NCKAP1L: variants seen among roughly 807,000 people sequenced by gnomAD.
NCKAP1L encodes the protein nck-associated protein 1-like.
A neutral mutation model predicts 139.2 loss-of-function variants in NCKAP1L; 53 were observed. That is an observed-to-expected ratio of 0.38 (90% CI 0.31 to 0.48). The LOEUF (loss-of-function observed/expected upper bound fraction) is 0.48, where lower values mean the gene tolerates loss of function less well. Among genes scored for constraint, NCKAP1L ranks in the 20% least tolerant of loss-of-function variants. The pLI, the probability that NCKAP1L is intolerant of heterozygous loss-of-function variation, is 0.98. For synonymous variants in NCKAP1L, 468 were observed against 499.7 expected (o/e 0.94, Z 0.85); for missense variants, 1,151 against 1,381.9 (o/e 0.83, Z 2.65).
intron 18 of NCKAP1L, among the ~76,000 whole-genome samples, chr12:54,521,888 G>GTA (rs1190861041): frequency 1.4e-5 from 2 of 140,038 alleles, no homozygotes; most frequent in South Asian, 2.1e-4. Flanking sequence ...GTGTGTGTAT[G>GTA]TGTGTGTGTG....
chr12:54,531,050 T>A lies in NCKAP1L; in HGVS notation c.2507-210T>A, dbSNP rs1957065033. On this transcript the variant is annotated intron_variant, in intron 22 of 30. Coordinates refer to ENST00000293373, the MANE Select transcript of NCKAP1L (RefSeq NM_005337.5). ...AGTTATCATTTGTGGTAAGTCTTGG[T>A]GTGAGTACCAGTGGAGAGAGGGTAA... Among the ~76,000 whole-genome samples the A allele has an allele frequency of 2.0e-5, 3 of 152,358 alleles. No homozygotes were observed. In the South Asian group the frequency reaches 6.2e-4, roughly 32 times the overall value.
At chr12:54,526,046 A>G (rs1957023012) in intron 20 of NCKAP1L, among the ~76,000 whole-genome samples, 1 of 152,162 alleles carries the variant, frequency 6.6e-6, no homozygotes. Flanking sequence ...GCTACTCAGG[A>G]TTATAATATA....
At chr12:54,518,798 T>TGA in intron 14 of NCKAP1L, 66 bp downstream of exon 14, 3 of 1,536,000 alleles carry the variant, frequency 2.0e-6, no homozygotes, top group Non-Finnish European at 9.0e-7. Flanking sequence ...CCGGAAATAT[T>TGA]GATCTTTGAG....
rs1210441960 is a variant in NCKAP1L, at chr12:54,542,833, GGAAGAAC to G, written c.*149_*155del. 1.6e-6 allele frequency: 1 copy of G among 608,012 alleles called. No individual in the cohort carries two copies. The highest frequency in any genetic ancestry group is 1.8e-5 in the African/African-American group (1 of 54,534). The allele number at this position is 608,012 out of a possible 1,614,324, so 37.7% of individuals were successfully genotyped here. A position where few individuals can be genotyped will look rare whatever the true frequency, so the allele number is the denominator to read the frequency against. On this transcript the variant is annotated 3_prime_UTR_variant, in exon 31 of 31. Coordinates refer to ENST00000293373, the MANE Select transcript of NCKAP1L (RefSeq NM_005337.5). The stretch of plus-strand genomic sequence containing the variant: ...AGCCAGAGTTGATGAGCAGATCTGT[GGAAGAAC>G]AATCCAGGGCTGAGAAATCGTAGAG...
chr12:54,511,334 C>A (rs1956888652), intron 7 of NCKAP1L, among the ~76,000 whole-genome samples: 2 of 152,220 alleles, frequency 1.3e-5, no homozygotes, highest in South Asian at 4.1e-4. Context: ...GCCTCATCAC[C>A]TCCATTATTG....
chr12:54,507,958 A>C (rs771401187), intron 4 of NCKAP1L, 49 bp downstream of exon 4: 1 of 1,565,090 alleles, frequency 6.4e-7, no homozygotes, highest in East Asian at 2.2e-5. Context: ...AGAAAAGGCC[A>C]GGTCTAGGTT....
chr12:54,528,611 A>ATCT lies in NCKAP1L; in HGVS notation c.2506+254_2506+256dup, dbSNP rs113269671. On this transcript the variant is annotated intron_variant, in intron 22 of 30. Coordinates refer to ENST00000293373, the MANE Select transcript of NCKAP1L (RefSeq NM_005337.5). ...TTAAATAGTGGTCTGCTGTCATGGC[A>ATCT]TCTTCTTCTTCTTCTTCTTCTTTTT... 5.9e-3 allele frequency among the ~76,000 whole-genome samples: 884 copies of ATCT among 150,166 alleles called. 10 individuals carry two copies. Among genetic ancestry groups the ATCT allele is most frequent in the South Asian group, 0.05 (237 of 4,758 alleles).
intron 3 of NCKAP1L, among the ~76,000 whole-genome samples, chr12:54,505,097 G>C (rs1030732904): frequency 6.6e-6 from 1 of 152,208 alleles, no homozygotes; most frequent in Non-Finnish European, 1.5e-5. Context: ...TTCCTTACTA[G>C]CTCTATGATC....
chr12:54,510,322 T>G, intron 7 of NCKAP1L: 1 of 453,770 alleles, frequency 2.2e-6, no homozygotes, highest in South Asian at 1.8e-5. Context: ...AGGAATCAAT[T>G]AACTTATTTT....
At position 54,535,110 on chromosome 12, in the gene NCKAP1L, T is replaced by C. The variant is rs143136512; in HGVS notation, c.2869T>C (p.Leu957=). 1.9e-6 allele frequency: 3 copies of C among 1,613,260 alleles called. No individual in the cohort carries two copies. The highest frequency in any genetic ancestry group is 3.3e-5 in the Admixed American group (2 of 59,918). ...GTTATTTTCTTCTCTCCAGGTGACC[T>C]TGAGTATCTTTGAGCTGGCATCTGC... is the stretch of plus-strand genomic sequence containing the variant. ...VTPDTDIKVT[L]SIFELASAAG... The change falls in exon 27 of 31, where the codon TTG becomes CTG. Residue 957 remains leucine, a synonymous_variant. Coordinates refer to ENST00000293373, the MANE Select transcript of NCKAP1L (RefSeq NM_005337.5).
intron 23 of NCKAP1L, 47 bp downstream of exon 23, chr12:54,531,404 A>G (rs1451131245): frequency 2.5e-6 from 4 of 1,607,632 alleles, no homozygotes; most frequent in South Asian, 1.1e-5. Flanking sequence ...CCTTGAGGAA[A>G]GAGGGTGGGT....
At chr12:54,506,693 A>C (rs1383691880) in intron 3 of NCKAP1L, among the ~76,000 whole-genome samples, 1 of 148,962 alleles carries the variant, frequency 6.7e-6, no homozygotes, top group Non-Finnish European at 1.5e-5. Flanking sequence ...TCAGCCTTCC[A>C]AAATGCTGGG....
At chr12:54,516,763 C>A in intron 10 of NCKAP1L, 133 bp from the exon 11 acceptor site, 8 of 738,488 alleles carry the variant, frequency 1.1e-5, no homozygotes, top group East Asian at 3.3e-5. Flanking sequence ...CTTTTTTAAA[C>A]CAAGTCTAAC....
intron 25 of NCKAP1L, 126 bp downstream of exon 25, chr12:54,531,951 A>G (rs1010631424): frequency 3.4e-6 from 3 of 880,030 alleles, no homozygotes; most frequent in Admixed American, 5.1e-5. Context: ...GTTGGTGAGC[A>G]TTGAGAAGAG....
chr12:54,514,163 G>A (rs1779315162), intron 9 of NCKAP1L, among the ~76,000 whole-genome samples: 1 of 152,022 alleles, frequency 6.6e-6, no homozygotes, highest in African/African-American at 2.4e-5. Flanking sequence ...ATTTTTAACA[G>A]TTGAATAATA....
chr12:54,500,852 ATATC>A, intron 3 of NCKAP1L: 1 of 356,260 alleles, frequency 2.8e-6, no homozygotes. Context: ...TATTTAGTAA[ATATC>A]TAGGAAAGAT....
In NCKAP1L at chr12:54,517,623, C is replaced by T. The variant is rs149151736; in HGVS notation, c.1186C>T (p.Pro396Ser). 5 of 1,613,054 alleles carry T rather than the reference C, an allele frequency of 3.1e-6. No homozygotes were observed. Among genetic ancestry groups the T allele is most frequent in the South Asian group, 1.1e-5 (1 of 91,064 alleles). ...AGAGAATGTCACCAAGACAAAGACA[C>T]CTGAGGACTATGCTGACTCGTTAGT... ...HTENVTKTKT[P>S]EDYADSSIAE... The change falls in exon 12 of 31, where the codon CCT becomes TCT. Residue 396 changes from proline to serine, a missense_variant. Pro to Ser is a moderately conservative substitution (Grantham distance 74). Transcript: ENST00000293373.
At position 54,536,862 on chromosome 12, in the gene NCKAP1L, A is replaced by T. The variant is rs963651990; in HGVS notation, c.3074-82A>T. 5.5e-6 allele frequency: 5 copies of T among 909,412 alleles called. No individual in the cohort carries two copies. In the African/African-American group the frequency reaches 8.2e-5, roughly 15 times the overall value. The allele number at this position is 909,412 out of a possible 1,614,324, so 56.3% of individuals were successfully genotyped here. ...GGTGGCTCAGCCTGAAAACATGAGA[A>T]ATTACTAGTTTGGGTCATCCTGGAG... On this transcript the variant is annotated intron_variant, in intron 28 of 30. Coordinates refer to ENST00000293373, the MANE Select transcript of NCKAP1L (RefSeq NM_005337.5).
At position 54,532,258 on chromosome 12, in the gene NCKAP1L, G is replaced by A; in HGVS notation, c.2862+8G>A. On this transcript the variant is annotated splice_region_variant and intron_variant, in intron 26 of 30. Coordinates refer to ENST00000293373, the MANE Select transcript of NCKAP1L (RefSeq NM_005337.5). ...CCAGACACAGACATCAAGGTATGGA[G>A]GAGTGCAAAGTAGAATCTAATTAGG... 1 of 1,607,124 alleles carries A rather than the reference G, an allele frequency of 6.2e-7. No individual in the cohort carries two copies. Among genetic ancestry groups the A allele is most frequent in the Non-Finnish European group, 8.5e-7 (1 of 1,175,572 alleles).
Sources: allele counts gnomAD v4.1 joint callset (sites outside exome capture counted in the v4.1 genomes callset), GRCh38; gene constraint gnomAD v4.1.1; transcripts MANE v1.5; gene names NCBI Gene and HGNC (gene_info 2026-07-23, HGNC 2026-07-21).